The following CFHR5 variants were observed in gnomAD, a reference collection of about 807,000 sequenced individuals.
CFHR5 encodes complement factor H related 5, also known as complement factor H-related protein 5.
Under a neutral mutation model 62.9 loss-of-function variants are expected in CFHR5, and 73 were observed. The observed-to-expected ratio is 1.16, with a 90% CI of 0.96 to 1.41. The LOEUF (loss-of-function observed/expected upper bound fraction) is 1.41, where lower values mean the gene tolerates loss of function less well. Ranked by LOEUF, CFHR5 falls within the 40% of genes most tolerant of loss-of-function variation. CFHR5 has a pLI of 0.00. For synonymous variants in CFHR5, 249 were observed against 227.2 expected (o/e 1.10, Z -0.86); for missense variants, 779 against 679.9 (o/e 1.15, Z -1.62).
chr1:196,986,390 T>C (rs893241970), intron 3 of CFHR5, among the ~76,000 whole-genome samples: 4 of 151,770 alleles, frequency 2.6e-5, no homozygotes, highest in African/African-American at 9.7e-5. Flanking sequence ...ATATATATAC[T>C]TTAAGTTCTA....
At position 197,008,527 on chromosome 1, in the gene CFHR5, CAT is replaced by C; in HGVS notation, c.1556_1557del (p.Ile519ThrfsTer19). The C allele has an allele frequency of 6.2e-7, 1 of 1,612,194 alleles. No individual in the cohort carries two copies. Among genetic ancestry groups the C allele is most frequent in the Non-Finnish European group, 8.5e-7 (1 of 1,178,924 alleles). On this transcript the variant is annotated frameshift_variant, in exon 10 of 10. Coordinates refer to ENST00000256785, the MANE Select transcript of CFHR5 (RefSeq NM_030787.4). LOFTEE classifies it low-confidence loss of function (END_TRUNC). ...VSEENMNKNN[I>X]QLKWRNDGKL... The stretch of plus-strand genomic sequence containing the variant: ...CTGAAGAAAACATGAACAAAAATAA[CAT>C]ACAGTTAAAATGGAGAAACGATGGA...
intron 3 of CFHR5, among the ~76,000 whole-genome samples, chr1:196,993,183 T>G (rs1407846066): frequency 6.6e-6 from 1 of 152,064 alleles, no homozygotes. Context: ...CCTAGATGGG[T>G]TTTTTAAAAG....
intron 7 of CFHR5, among the ~76,000 whole-genome samples, chr1:197,001,014 A>C (rs1464611756): frequency 6.6e-6 from 1 of 152,196 alleles, no homozygotes; most frequent in Non-Finnish European, 1.5e-5. Flanking sequence ...AAAAATGTAT[A>C]CTAACAATAA....
intron 4 of CFHR5, 69 bp from the exon 5 acceptor site, chr1:196,995,648 T>A (rs1277007552): frequency 7.2e-7 from 1 of 1,397,002 alleles, no homozygotes; most frequent in Non-Finnish European, 1.0e-6. Context: ...AAGTCAAAAA[T>A]TTAGTAACTC....
chr1:197,002,565 GA>G lies in CFHR5; in HGVS notation c.1236del (p.Val413Ter). ...AACCACAGTGAATTATCAGGATGGAGAAAAAGTAGCTGTTCTCTGTAAAGAA... is the reference window on the plus strand; with the variant it reads ...AACCACAGTGAATTATCAGGATGGAGAAAAGTAGCTGTTCTCTGTAAAGAA... ...MTTTVNYQDG[E>X]KVAVLCKENY... is the part of the protein sequence containing the mutation. On this transcript the variant is annotated frameshift_variant, in exon 8 of 10. Coordinates refer to ENST00000256785, the MANE Select transcript of CFHR5 (RefSeq NM_030787.4). LOFTEE classifies it high-confidence loss of function. 1.2e-6 allele frequency: 2 copies of G among 1,613,408 alleles called. No homozygotes were observed. Among genetic ancestry groups the G allele is most frequent in the South Asian group, 1.1e-5 (1 of 91,074 alleles).
At chr1:196,984,940 C>T (rs930504289) in intron 3 of CFHR5, among the ~76,000 whole-genome samples, 4 of 152,156 alleles carry the variant, frequency 2.6e-5, no homozygotes, top group African/African-American at 9.7e-5. Flanking sequence ...AAAGGCTTCC[C>T]AATAAACAGC....
At chr1:197,005,327 T>C (rs905587588) in intron 9 of CFHR5, among the ~76,000 whole-genome samples, 1 of 152,176 alleles carries the variant, frequency 6.6e-6, no homozygotes, top group African/African-American at 2.4e-5. Context: ...GCAGGAGAGA[T>C]AGAAAATCTG....
chr1:196,982,379 A>G (rs917519715), intron 1 of CFHR5, among the ~76,000 whole-genome samples: 2 of 152,172 alleles, frequency 1.3e-5, no homozygotes, highest in African/African-American at 4.8e-5. Context: ...TTCATTAACA[A>G]TGACCTCGTC....
upstream of CFHR5, chr1:196,977,529 A>T: frequency 1.3e-6 from 1 of 770,556 alleles, no homozygotes; most frequent in East Asian, 2.5e-5. Context: ...TTTTCCACAA[A>T]GGGCTTTACT....
At chr1:196,994,921 A>G (rs913849827) in intron 4 of CFHR5, among the ~76,000 whole-genome samples, 1 of 152,116 alleles carries the variant, frequency 6.6e-6, no homozygotes, top group Non-Finnish European at 1.5e-5. Flanking sequence ...AGAGCTCGTG[A>G]GACTTATTCA....
rs1243116558 is a variant in CFHR5 at position 196,977,620 on chromosome 1, C to T, written c.-45C>T. 4 of 1,441,978 alleles carry T rather than the reference C, an allele frequency of 2.8e-6. No individual in the cohort carries two copies. Among genetic ancestry groups the T allele is most frequent in the Non-Finnish European group, 9.8e-7 (1 of 1,023,900 alleles). The allele number at this position is 1,441,978 out of a possible 1,614,324, so 89.3% of individuals were successfully genotyped here. The stretch of plus-strand genomic sequence containing the variant: ...GAAAGCAGATTTAAAGCAACACCAC[C>T]ATCACTGGAGTATTTTTAGTTATAT... On this transcript the variant is annotated 5_prime_UTR_variant, in exon 1 of 10. Coordinates refer to ENST00000256785, the MANE Select transcript of CFHR5 (RefSeq NM_030787.4).
At chr1:197,002,776 A>C in intron 8 of CFHR5, 112 bp downstream of exon 8, 1 of 880,538 alleles carries the variant, frequency 1.1e-6, no homozygotes. Flanking sequence ...CTGTACCCCA[A>C]AGCCTTAAAT....
Position 196,995,907 on chromosome 1 carries a change from A to T in CFHR5, c.790+8A>T. 6.2e-7 allele frequency: 1 copy of T among 1,608,974 alleles called. No homozygotes were observed. Among genetic ancestry groups the T allele is most frequent in the South Asian group, 1.1e-5 (1 of 90,980 alleles). ...CTTTACCCACTTGTGTTGGTAAATA[A>T]ATATTAACATTTAAACAGGACAGTT... On this transcript the variant is annotated splice_region_variant and intron_variant, in intron 5 of 9. Transcript: ENST00000256785.
chr1:196,983,893 T>C (rs552606505), intron 2 of CFHR5, 68 bp from the exon 3 acceptor site: 1 of 1,117,124 alleles, frequency 9.0e-7, no homozygotes, highest in African/African-American at 1.6e-5. Context: ...CCTTTCTTAA[T>C]GAAATATTTT....
chr1:197,008,216 T>TC (rs1240966742), intron 9 of CFHR5, among the ~76,000 whole-genome samples: 1 of 151,386 alleles, frequency 6.6e-6, no homozygotes, highest in African/African-American at 2.4e-5. Flanking sequence ...GGTTCTGAAC[T>TC]CATACTGGCA....
Position 196,977,656 on chromosome 1 carries a change from C to CT in CFHR5, c.-8dup, listed in dbSNP as rs781759572. ...TATTTTTAGTTATATACGATTGAGA[C>CT]TACCAAGCATGTTGCTCTTATTCAG... On this transcript the variant is annotated 5_prime_UTR_variant, in exon 1 of 10. Transcript: ENST00000256785. 6.2e-7 allele frequency: 1 copy of CT among 1,608,422 alleles called. No individual in the cohort carries two copies. The highest frequency in any genetic ancestry group is 8.5e-7 in the Non-Finnish European group (1 of 1,175,074).
chr1:196,979,706 C>A (rs1653488761), intron 1 of CFHR5, among the ~76,000 whole-genome samples: 2 of 152,038 alleles, frequency 1.3e-5, no homozygotes, highest in African/African-American at 4.8e-5. Flanking sequence ...ACACTGAATA[C>A]TTGAGCTAGG....
In CFHR5 at chr1:197,008,508, A is replaced by T; in HGVS notation, c.1535A>T (p.Glu512Val). 1 of 1,608,206 alleles carries T rather than the reference A, an allele frequency of 6.2e-7. No individual in the cohort carries two copies. The highest frequency in any genetic ancestry group is 2.2e-5 in the East Asian group (1 of 44,748). Residue 512 changes from glutamate (E) to valine (V), a missense_variant, in exon 10 of 10, where the codon GAA (glutamate) becomes GTA (valine). Coordinates refer to ENST00000256785, the MANE Select transcript of CFHR5 (RefSeq NM_030787.4). ...RCLDPCVVSE[E>V]NMNKNNIQLK... ...TCAGATCCATGTGTGGTATCTGAAG[A>T]AAACATGAACAAAAATAACATACAG...
intron 1 of CFHR5, among the ~76,000 whole-genome samples, chr1:196,980,671 G>A (rs545427428): frequency 2.5e-4 from 38 of 151,734 alleles, no homozygotes; most frequent in African/African-American, 7.7e-4. Flanking sequence ...TCAGAATGTC[G>A]AGACAAGGAA....
Sources: gnomAD v4.1 joint callset for allele counts (sites outside exome capture counted in the v4.1 genomes callset) on GRCh38, gnomAD v4.1.1 for gene constraint, MANE v1.5 for transcripts, NCBI Gene and HGNC (gene_info 2026-07-23, HGNC 2026-07-21) for gene names.